FA2H: variants seen among roughly 807,000 people sequenced by gnomAD.
FA2H encodes the protein fatty acid alpha-hydroxylase.
A neutral mutation model predicts 44.9 loss-of-function variants in FA2H; 22 were observed. The ratio of observed to expected loss-of-function variants is 0.49; its 90% CI spans 0.35 to 0.70. The LOEUF is 0.70. Among genes scored for constraint, FA2H ranks in the 30% least tolerant of loss-of-function variants. FA2H has a pLI of 0.01. For synonymous variants in FA2H, 243 were observed against 213.2 expected (o/e 1.14, Z -1.22); for missense variants, 501 against 504.9 (o/e 0.99, Z 0.07).
At chr16:74,744,012 C>G (rs981947367) in intron 1 of FA2H, among the ~76,000 whole-genome samples, 2 of 152,200 alleles carry the variant, frequency 1.3e-5, no homozygotes, top group African/African-American at 2.4e-5. Context: ...TCCCTACACA[C>G]AGCTAAGACA....
intron 2 of FA2H, 103 bp downstream of exon 2, chr16:74,739,920 G>T: frequency 1.1e-6 from 1 of 888,750 alleles, no homozygotes; most frequent in Non-Finnish European, 1.9e-6. Flanking sequence ...TCTCCCCTGG[G>T]CACACGTCAT....
intron 5 of FA2H, among the ~76,000 whole-genome samples, chr16:74,717,977 G>A (rs773458399): frequency 1.3e-4 from 20 of 152,202 alleles, no homozygotes; most frequent in Non-Finnish European, 2.1e-4. Context: ...CCTGGGCTGC[G>A]CTACCTCTGA....
At chr16:74,740,147 C>T (rs777758284) in intron 1 of FA2H, 32 bp from the exon 2 acceptor site, 2 of 1,563,804 alleles carry the variant, frequency 1.3e-6, no homozygotes, top group Middle Eastern at 1.7e-4. Flanking sequence ...GGATTATACA[C>T]AGTGGGTGAG....
intron 2 of FA2H, among the ~76,000 whole-genome samples, chr16:74,734,671 C>G (rs567716074): frequency 2.0e-5 from 3 of 152,338 alleles, no homozygotes; most frequent in Admixed American, 1.3e-4. Flanking sequence ...GGGGCCTTCC[C>G]TGTTTTCCTC....
At position 74,719,105 on chromosome 16, in the gene FA2H, T is replaced by G. The variant is rs369504312; in HGVS notation, c.669A>C (p.Thr223=). The G allele has an allele frequency of 5.0e-6, 8 of 1,613,896 alleles. No homozygotes were observed. The highest frequency in any genetic ancestry group is 6.8e-6 in the Non-Finnish European group (8 of 1,180,042). The change falls in exon 5 of 7, where the codon ACA becomes ACC. Residue 223 remains threonine (T), a synonymous_variant. Transcript: ENST00000219368. Reference sequence around the variant, plus strand: ...GGTACTCGATGAGGCTCCAGAGGAATGTCCCCAGCATGAAGAGCCCGGGGA... The same window carrying G: ...GGTACTCGATGAGGCTCCAGAGGAAGGTCCCCAGCATGAAGAGCCCGGGGA... ...SMFPGLFMLG[T]FLWSLIEYLI...
intron 1 of FA2H, among the ~76,000 whole-genome samples, chr16:74,748,744 C>T (rs559121940): frequency 6.7e-6 from 1 of 148,634 alleles, no homozygotes; most frequent in East Asian, 2.1e-4. Context: ...ATAGAGGCCG[C>T]GTGAAAGGAG....
At position 74,740,048 on chromosome 16, in the gene FA2H, C is replaced by T. The variant is rs147632811; in HGVS notation, c.338G>A (p.Arg113Gln). The T allele has an allele frequency of 1.2e-3, 1,924 of 1,613,928 alleles. 11 individuals are homozygous for T. The highest frequency in any genetic ancestry group is 3.3e-3 in the Middle Eastern group (20 of 6,062). The change falls in exon 2 of 7, where the codon CGG (arginine) becomes CAG (glutamine). Residue 113 changes from arginine to glutamine, a missense_variant. Physicochemically the swap from Arg to Gln is conservative, Grantham distance 43. Transcript: ENST00000219368. The stretch of plus-strand genomic sequence containing the variant: ...CTTGTCCCAATCCACCACTTTGAAC[C>T]GTGGTTCCATAGCAGGATCTGTCTT... ...TQKTDPAMEP[R>Q]FKVVDWDKDL...
chr16:74,740,592 C>G (rs924467755), intron 1 of FA2H, among the ~76,000 whole-genome samples: 7 of 149,466 alleles, frequency 4.7e-5, no homozygotes, highest in African/African-American at 1.7e-4. Context: ...GCACTCCAGC[C>G]TGGACGACAG....
chr16:74,763,383 G>A (rs8052469), intron 1 of FA2H, among the ~76,000 whole-genome samples: 3 of 151,794 alleles, frequency 2.0e-5, no homozygotes, highest in Non-Finnish European at 4.4e-5. Flanking sequence ...TCAGCCTTCC[G>A]AGTAACTGGG....
intron 1 of FA2H, among the ~76,000 whole-genome samples, chr16:74,772,817 T>C (rs1438783285): frequency 3.3e-5 from 5 of 152,112 alleles, no homozygotes; most frequent in African/African-American, 1.2e-4. Context: ...TACTTTTCAA[T>C]AGTAGCCAAT....
chr16:74,722,704 G>C (rs575341835), intron 4 of FA2H, among the ~76,000 whole-genome samples: 20 of 152,170 alleles, frequency 1.3e-4, no homozygotes, highest in African/African-American at 4.6e-4. Flanking sequence ...GCTGAGGTCA[G>C]GAGTTCGAGA....
intron 1 of FA2H, among the ~76,000 whole-genome samples, chr16:74,773,049 T>C (rs1052498538): frequency 2.6e-5 from 4 of 152,086 alleles, no homozygotes; most frequent in Non-Finnish European, 4.4e-5. Context: ...CTAATTTTGG[T>C]ATTTTTTGTA....
intron 2 of FA2H, among the ~76,000 whole-genome samples, chr16:74,735,949 C>G (rs1036078565): frequency 6.6e-6 from 1 of 152,316 alleles, no homozygotes; most frequent in Middle Eastern, 3.4e-3. Context: ...TGCCACTGTA[C>G]TCCAGCCTGG....
intron 2 of FA2H, among the ~76,000 whole-genome samples, chr16:74,736,898 C>A (rs979841584): frequency 6.6e-6 from 1 of 152,100 alleles, no homozygotes; most frequent in Non-Finnish European, 1.5e-5. Flanking sequence ...CCAGAGGTGA[C>A]TTTGGGCGGG....
intron 4 of FA2H, among the ~76,000 whole-genome samples, chr16:74,719,468 G>T (rs1017824765): frequency 6.6e-6 from 1 of 152,188 alleles, no homozygotes; most frequent in Non-Finnish European, 1.5e-5. Context: ...GGGTGACCTT[G>T]CCCCAAGGAC....
At chr16:74,734,545 A>G (rs1344192054) in intron 2 of FA2H, among the ~76,000 whole-genome samples, 1 of 152,124 alleles carries the variant, frequency 6.6e-6, no homozygotes, top group Non-Finnish European at 1.5e-5. Flanking sequence ...CCTTAGAGAG[A>G]AGGGGAGGGC....
At chr16:74,759,664 G>T (rs1482292376) in intron 1 of FA2H, among the ~76,000 whole-genome samples, 1 of 152,248 alleles carries the variant, frequency 6.6e-6, no homozygotes, top group Non-Finnish European at 1.5e-5. Flanking sequence ...AGAGGTAACA[G>T]CAATCCTGGA....
intron 1 of FA2H, among the ~76,000 whole-genome samples, chr16:74,752,309 C>G (rs79571741): frequency 1.6e-3 from 243 of 152,250 alleles, no homozygotes; most frequent in African/African-American, 5.7e-3. Flanking sequence ...GCTTAAAATC[C>G]TCCAGTGGCC....
intron 1 of FA2H, among the ~76,000 whole-genome samples, chr16:74,744,352 A>G (rs1962373673): frequency 6.6e-6 from 1 of 152,068 alleles, no homozygotes; most frequent in Non-Finnish European, 1.5e-5. Context: ...AGCAAGCCAA[A>G]GGGTGGTTTT....
Sources: allele counts gnomAD v4.1 joint callset (sites outside exome capture counted in the v4.1 genomes callset), GRCh38; gene constraint gnomAD v4.1.1; transcripts MANE v1.5; gene names NCBI Gene and HGNC (gene_info 2026-07-23, HGNC 2026-07-21).